Variants in SPDEF observed in about 807,000 individuals in gnomAD.
SPDEF encodes the protein SAM pointed domain-containing Ets transcription factor.
Under a neutral mutation model 36.0 loss-of-function variants are expected in SPDEF, and 12 were observed. The ratio of observed to expected loss-of-function variants is 0.33; its 90% confidence interval spans 0.21 to 0.54. The LOEUF is 0.54. Among genes scored for constraint, SPDEF ranks in the 20% least tolerant of loss-of-function variants. SPDEF has a pLI of 0.93. For missense variants in SPDEF, 388 were observed against 456.9 expected, an observed-to-expected ratio of 0.85 and a Z score of 1.37; for synonymous variants, 205 against 193.0, an observed-to-expected ratio of 1.06 and a Z score of -0.51.
Position 34,538,117 on chromosome 6 carries a change from C to A in SPDEF, c.*157G>T. 1 of 739,924 alleles carries A rather than the reference C, an allele frequency of 1.4e-6. No homozygotes were observed. The highest frequency in any genetic ancestry group is 2.2e-6 in the Non-Finnish European group (1 of 464,060). The allele number at this position is 739,924 out of a possible 1,614,324, so 45.8% of individuals were successfully genotyped here. A position where few individuals can be genotyped will look rare whatever the true frequency, so the allele number is the denominator to read the frequency against. ...CCGAAGGCCCCAGAGGACCCATATC[C>A]CCCTGGGGCAGTTGGTTGCCCCTCC... is the stretch of plus-strand genomic sequence containing the variant. On this transcript the variant is annotated 3_prime_UTR_variant, in exon 6 of 6. Transcript: ENST00000374037. The surrounding 1 kb of genome is among the most constrained non-coding windows in gnomAD (Gnocchi z 5.9).
In SPDEF at chr6:34,538,466, G is replaced by A; in HGVS notation, c.830-14C>T. 1 of 1,602,080 alleles carries A rather than the reference G, an allele frequency of 6.2e-7. No individual in the cohort carries two copies. Among genetic ancestry groups the A allele is most frequent in the Middle Eastern group, 1.7e-4 (1 of 6,006 alleles). On this transcript the variant is annotated splice_polypyrimidine_tract_variant and intron_variant, in intron 5 of 5. Transcript: ENST00000374037. The surrounding 1 kb of genome is among the most constrained non-coding windows in gnomAD (Gnocchi z 5.9). ...TTTTGAAGATGCCTAGAGCAGGAGG[G>A]CCCCGAGAGAGCCAGTGGTATGAGT...
intron 1 of SPDEF, among the ~76,000 whole-genome samples, chr6:34,551,330 T>C (rs1411666945): frequency 2.6e-5 from 4 of 152,212 alleles, no homozygotes; most frequent in Non-Finnish European, 4.4e-5. Flanking sequence ...TGGACCATCG[T>C]GGCTGAGTTT....
chr6:34,539,208 A>C lies in SPDEF; in HGVS notation c.829+42T>G. The stretch of plus-strand genomic sequence containing the variant: ...CCTGGCAGAAGCCCCCACAACCTCC[A>C]TGCTCACTGGCCCTGCAGCGCCCCT... On this transcript the variant is annotated intron_variant, in intron 5 of 5. Coordinates refer to ENST00000374037, the MANE Select transcript of SPDEF (RefSeq NM_012391.3). This position sits in a 1 kb window ranked among gnomAD's most constrained non-coding sequence, Gnocchi z 5.2. The C allele has an allele frequency of 6.2e-7, 1 of 1,607,468 alleles. No individual in the cohort carries two copies. The highest frequency in any genetic ancestry group is 1.7e-5 in the Admixed American group (1 of 59,734).
At chr6:34,550,803 G>A (rs1378267927) in intron 1 of SPDEF, among the ~76,000 whole-genome samples, 1 of 152,140 alleles carries the variant, frequency 6.6e-6, no homozygotes, top group Non-Finnish European at 1.5e-5. Flanking sequence ...AGGAAGACGG[G>A]GCACTGGAAG....
In SPDEF at chr6:34,538,966, A is replaced by G. The variant is rs561042196; in HGVS notation, c.829+284T>C. Reference sequence around the variant, plus strand: ...GCAGCCCTCTCTGGCAGGATTAATTAATATGAGATGGTGGAGGGAGAGTGG... The same window carrying G: ...GCAGCCCTCTCTGGCAGGATTAATTGATATGAGATGGTGGAGGGAGAGTGG... On this transcript the variant is annotated intron_variant, in intron 5 of 5. Transcript: ENST00000374037. This position sits in a 1 kb window ranked among gnomAD's most constrained non-coding sequence, Gnocchi z 5.9. Among the ~76,000 whole-genome samples the G allele has an allele frequency of 2.0e-5, 3 of 152,316 alleles. No individual in the cohort carries two copies. Among genetic ancestry groups the G allele is most frequent in the Non-Finnish European group, 4.4e-5 (3 of 68,010 alleles).
At chr6:34,553,374 T>A (rs1441174806) in intron 1 of SPDEF, among the ~76,000 whole-genome samples, 1 of 147,850 alleles carries the variant, frequency 6.8e-6, no homozygotes, top group Non-Finnish European at 1.5e-5. Context: ...TTGTTCCACC[T>A]GACAGGCCAC....
In SPDEF at chr6:34,547,450, C is replaced by T. The variant is rs567613321; in HGVS notation, c.-29-2966G>A. On this transcript the variant is annotated intron_variant, in intron 1 of 5. Transcript: ENST00000374037. ...GCATGATCATGGCTCACTGCAGCCT[C>T]GACCTCCTGGGCTCAAGTGATCCTC... Among the ~76,000 whole-genome samples, 91 of 152,122 alleles carry T rather than the reference C, an allele frequency of 6.0e-4. 2 individuals carry two copies. The highest frequency in any genetic ancestry group is 2.1e-4 in the Non-Finnish European group (14 of 68,014).
intron 2 of SPDEF, among the ~76,000 whole-genome samples, chr6:34,543,323 A>G: frequency 6.6e-6 from 1 of 151,380 alleles, no homozygotes. Context: ...TGGATTGATG[A>G]GCAAAACAAA....
Position 34,552,692 on chromosome 6 carries a change from G to A in SPDEF, c.-30+3237C>T, listed in dbSNP as rs1413258741. ...GAGCACACCTCCAGGCTTGGAGAGG[G>A]GTGTTAGGACAAAGTGAAGGACTCC... On this transcript the variant is annotated intron_variant, in intron 1 of 5. Transcript: ENST00000374037. The surrounding 1 kb of genome is among the most constrained non-coding windows in gnomAD (Gnocchi z 4.6). Among the ~76,000 whole-genome samples the A allele has an allele frequency of 6.6e-6, 1 of 152,158 alleles. No homozygotes were observed. The highest frequency in any genetic ancestry group is 1.5e-5 in the Non-Finnish European group (1 of 68,028).
At position 34,538,645 on chromosome 6, in the gene SPDEF, C is replaced by T. The variant is rs566295511; in HGVS notation, c.830-193G>A. On this transcript the variant is annotated intron_variant, in intron 5 of 5. Transcript: ENST00000374037. The surrounding 1 kb of genome is among the most constrained non-coding windows in gnomAD (Gnocchi z 5.9). ...TGTAGTTGCGGTGAGGTTAAAGAGA[C>T]GTGTGCAAAGCAGGTGCCACAGGCC... Among the ~76,000 whole-genome samples, 5 of 152,194 alleles carry T rather than the reference C, an allele frequency of 3.3e-5. No individual in the cohort carries two copies. The highest frequency in any genetic ancestry group is 2.9e-5 in the Non-Finnish European group (2 of 67,988).
intron 1 of SPDEF, among the ~76,000 whole-genome samples, chr6:34,549,452 G>A (rs3798550): frequency 0.68 from 103,677 of 152,046 alleles, 38,010 homozygotes; most frequent in South Asian, 0.89. Flanking sequence ...CTCACCCCTC[G>A]GGGCTAGAAA....
chr6:34,541,413 CTGGTGCAT>C (rs1767820532), intron 2 of SPDEF, among the ~76,000 whole-genome samples: 1 of 152,176 alleles, frequency 6.6e-6, no homozygotes, highest in East Asian at 1.9e-4. Context: ...GCAGGGTAAC[CTGGTGCAT>C]CTGTACTGCC....
chr6:34,538,450 T>C lies in SPDEF; in HGVS notation c.832A>G (p.Ile278Val), dbSNP rs559509961. 47 of 1,611,132 alleles carry C rather than the reference T, an allele frequency of 2.9e-5. No individual in the cohort carries two copies. In the Admixed American group the frequency reaches 3.5e-4, roughly 12 times the overall value. ...TGGGCTGAGTCCTCAATTTTGAAGA[T>C]GCCTAGAGCAGGAGGGCCCCGAGAG... Reference protein sequence around the residue: ...FIRWLNKEKGIFKIEDSAQVA... With the variant: ...FIRWLNKEKGVFKIEDSAQVA... Residue 278 changes from isoleucine (I) to valine (V), a missense_variant and splice_region_variant, in exon 6 of 6, where the codon ATC becomes GTC. Transcript: ENST00000374037. The surrounding 1 kb of genome is among the most constrained non-coding windows in gnomAD (Gnocchi z 5.9).
intron 1 of SPDEF, among the ~76,000 whole-genome samples, chr6:34,553,755 G>C (rs980594525): frequency 2.0e-5 from 3 of 151,962 alleles, no homozygotes; most frequent in East Asian, 1.9e-4. Flanking sequence ...GGGAGTGGGC[G>C]AGAGAGTGGA....
chr6:34,545,131 C>T (rs1466164744), intron 1 of SPDEF, among the ~76,000 whole-genome samples: 1 of 152,198 alleles, frequency 6.6e-6, no homozygotes, highest in Non-Finnish European at 1.5e-5. Context: ...TGAGCAAGAG[C>T]TCACAGGTGT....
In SPDEF at chr6:34,539,118, G is replaced by T; in HGVS notation, c.829+132C>A. ...GCTGTCCCATGAGAGCTGCATATTT[G>T]GCATCTAGGACAAAGGTGGGGATCA... is the stretch of plus-strand genomic sequence containing the variant. On this transcript the variant is annotated intron_variant, in intron 5 of 5. Coordinates refer to ENST00000374037, the MANE Select transcript of SPDEF (RefSeq NM_012391.3). The surrounding 1 kb of genome is among the most constrained non-coding windows in gnomAD (Gnocchi z 5.2). 2.0e-6 allele frequency: 2 copies of T among 1,023,634 alleles called. No homozygotes were observed. Among genetic ancestry groups the T allele is most frequent in the East Asian group, 2.4e-5 (1 of 41,952 alleles). 63.4% of individuals were successfully genotyped at this position (1,023,634 alleles called of 1,614,324 possible). A position where few individuals can be genotyped will look rare whatever the true frequency, so the allele number is the denominator to read the frequency against.
intron 1 of SPDEF, among the ~76,000 whole-genome samples, chr6:34,549,896 G>T (rs907508841): frequency 6.6e-6 from 1 of 152,158 alleles, no homozygotes; most frequent in Non-Finnish European, 1.5e-5. Context: ...TTCCCATGTG[G>T]CCTACTGAGC....
intron 1 of SPDEF, among the ~76,000 whole-genome samples, chr6:34,548,201 C>T (rs1767993103): frequency 6.6e-6 from 1 of 152,188 alleles, no homozygotes; most frequent in African/African-American, 2.4e-5. Flanking sequence ...TAGATGCGGA[C>T]AGTGAGGCTC....
chr6:34,538,338 T>C lies in SPDEF; in HGVS notation c.944A>G (p.Lys315Arg). ...LSRSIRQYYKKGIIRKPDISQ... is the reference protein window; with the variant it reads ...LSRSIRQYYKRGIIRKPDISQ... ...GATGTCTGGCTTCCGGATGATGCCC[T>C]TCTTGTAATACTGGCGGATGGAGCG... The change falls in exon 6 of 6, where the codon AAG becomes AGG. Residue 315 changes from lysine to arginine, a missense_variant. Lys to Arg is a conservative substitution (Grantham distance 26). Transcript: ENST00000374037. This position sits in a 1 kb window ranked among gnomAD's most constrained non-coding sequence, Gnocchi z 5.9. The C allele has an allele frequency of 6.2e-7, 1 of 1,614,156 alleles. No individual in the cohort carries two copies. The highest frequency in any genetic ancestry group is 8.5e-7 in the Non-Finnish European group (1 of 1,179,976).
Sources: gnomAD v4.1 joint callset for allele counts (sites outside exome capture counted in the v4.1 genomes callset) on GRCh38, gnomAD v4.1.1 for gene constraint, Gnocchi (gnomAD v3.1) non-coding constraint, MANE v1.5 for transcripts, NCBI Gene and HGNC (gene_info 2026-07-23, HGNC 2026-07-21) for gene names.